The following GPC6 variants were observed in gnomAD, a reference collection of about 807,000 sequenced individuals.
The protein encoded by GPC6 is glypican-6.
GPC6 carries 14 observed loss-of-function variants against 55.2 expected under a neutral mutation model. That is an observed-to-expected ratio of 0.25 (90% CI 0.17 to 0.40). The LOEUF (loss-of-function observed/expected upper bound fraction) is 0.40, where lower values mean the gene tolerates loss of function less well. Among genes scored for constraint, GPC6 ranks in the 10% least tolerant of loss-of-function variants. The probability of loss-of-function intolerance (pLI) is 1.00; values close to 1 mark genes in which losing one functional copy is unlikely to be tolerated. For synonymous variants in GPC6, 278 were observed against 259.6 expected (o/e 1.07, Z -0.68); for missense variants, 641 against 708.5 (o/e 0.90, Z 1.08).
rs180730672 is a variant in GPC6 at position 93,509,219 on chromosome 13, A to G, written c.161-36044A>G. Among the ~76,000 whole-genome samples, 14 of 152,346 alleles carry G rather than the reference A, an allele frequency of 9.2e-5. No homozygotes were observed. The East Asian group carries it at 2.7e-3, about 29-fold the overall frequency. On this transcript the variant is annotated intron_variant, in intron 1 of 8. Transcript: ENST00000377047. ...GTTCATTGAAATTGTGCACCTTCCA[A>G]TGTAAAGATTTATTGATGGCCATTT...
intron 2 of GPC6, among the ~76,000 whole-genome samples, chr13:93,657,668 T>G (rs1880736119): frequency 6.6e-6 from 1 of 152,014 alleles, no homozygotes; most frequent in South Asian, 2.1e-4. Flanking sequence ...ACAGACATCC[T>G]ACAGAATAGA....
intron 4 of GPC6, among the ~76,000 whole-genome samples, chr13:94,140,716 A>C (rs1407608515): frequency 6.6e-6 from 1 of 152,068 alleles, no homozygotes; most frequent in Non-Finnish European, 1.5e-5. Flanking sequence ...GGTCATTGTA[A>C]ACCTCCAGAG....
At chr13:93,971,838 C>T (rs1434299413) in intron 3 of GPC6, among the ~76,000 whole-genome samples, 1 of 152,166 alleles carries the variant, frequency 6.6e-6, no homozygotes, top group East Asian at 1.9e-4. Flanking sequence ...TCCCTCCAAC[C>T]CCAAGGAATG....
chr13:94,092,880 A>T (rs2138814370), intron 4 of GPC6, among the ~76,000 whole-genome samples: 1 of 152,170 alleles, frequency 6.6e-6, no homozygotes, highest in East Asian at 1.9e-4. Context: ...ATGATTAGTG[A>T]TGTTGAACAT....
Position 93,762,447 on chromosome 13 carries a change from G to A in GPC6, c.320-67707G>A, listed in dbSNP as rs375307605. 4.6e-5 allele frequency among the ~76,000 whole-genome samples: 7 copies of A among 152,198 alleles called. No individual in the cohort carries two copies. The South Asian group carries it at 1.5e-3, about 32-fold the overall frequency. ...TGAATCAATAAATGCTTCTTGACCT[G>A]TGGTCAGTGTAAAAGCAAGGTTCTA... is the stretch of plus-strand genomic sequence containing the variant. On this transcript the variant is annotated intron_variant, in intron 2 of 8. Coordinates refer to ENST00000377047, the MANE Select transcript of GPC6 (RefSeq NM_005708.5).
At position 94,327,817 on chromosome 13, in the gene GPC6, C is replaced by A. The variant is rs189819870; in HGVS notation, c.1152+21694C>A. Among the ~76,000 whole-genome samples, 4 of 152,278 alleles carry A rather than the reference C, an allele frequency of 2.6e-5. No individual in the cohort carries two copies. In the East Asian group the frequency reaches 7.7e-4, roughly 29 times the overall value. On this transcript the variant is annotated intron_variant, in intron 6 of 8. Transcript: ENST00000377047. The stretch of plus-strand genomic sequence containing the variant: ...TGGAATCTAAGTGCAAAGAGTTTCA[C>A]CTAGTTTTCTCTTTCCTTAAACAGC...
intron 4 of GPC6, among the ~76,000 whole-genome samples, chr13:94,251,595 G>A (rs1029877157): frequency 2.0e-5 from 3 of 151,896 alleles, no homozygotes; most frequent in Non-Finnish European, 1.5e-5. Flanking sequence ...TCAGTCTCAG[G>A]ACAAAGATTA....
At chr13:94,210,420 G>T (rs1890043692) in intron 4 of GPC6, among the ~76,000 whole-genome samples, 1 of 152,090 alleles carries the variant, frequency 6.6e-6, no homozygotes, top group Non-Finnish European at 1.5e-5. Flanking sequence ...GCCTCCGAAA[G>T]TGCTGGGATT....
rs528772472 is a variant in GPC6 at position 94,040,834 on chromosome 13, T to C, written c.877+12940T>C. Among the ~76,000 whole-genome samples, 26 of 152,020 alleles carry C rather than the reference T, an allele frequency of 1.7e-4. 1 individual carries two copies. Among genetic ancestry groups the C allele is most frequent in the African/African-American group, 6.3e-4 (26 of 41,542 alleles). ...AGTGGCCATGCAATATTAAAAAAATTTAACAATGAATTGTGTTGAATGGTT... is the reference window on the plus strand; with the variant it reads ...AGTGGCCATGCAATATTAAAAAAATCTAACAATGAATTGTGTTGAATGGTT... On this transcript the variant is annotated intron_variant, in intron 4 of 8. Coordinates refer to ENST00000377047, the MANE Select transcript of GPC6 (RefSeq NM_005708.5).
chr13:93,797,142 C>A (rs1886222491), intron 2 of GPC6, among the ~76,000 whole-genome samples: 2 of 85,064 alleles, frequency 2.4e-5, no homozygotes, highest in South Asian at 6.2e-4. Flanking sequence ...TTATAGTTCC[C>A]TTTGTCATTT....
At chr13:93,575,576 T>C (rs1876619666) in intron 2 of GPC6, among the ~76,000 whole-genome samples, 1 of 152,194 alleles carries the variant, frequency 6.6e-6, no homozygotes, top group South Asian at 2.1e-4. Context: ...ACTGTATTAA[T>C]TGAAAGCCAA....
chr13:93,702,336 T>C (rs1293403523), intron 2 of GPC6, among the ~76,000 whole-genome samples: 2 of 152,042 alleles, frequency 1.3e-5, no homozygotes, highest in Non-Finnish European at 2.9e-5. Context: ...GCTTAAAATA[T>C]TCAGTTAACC....
chr13:94,126,279 A>C (rs1886809279), intron 4 of GPC6, among the ~76,000 whole-genome samples: 1 of 152,148 alleles, frequency 6.6e-6, no homozygotes, highest in South Asian at 2.1e-4. Context: ...ACTATTCAGG[A>C]GGCTGAGGTG....
intron 4 of GPC6, among the ~76,000 whole-genome samples, chr13:94,141,515 C>T (rs1457031508): frequency 2.6e-5 from 4 of 152,094 alleles, no homozygotes; most frequent in African/African-American, 9.7e-5. Context: ...TGCCTAAACT[C>T]CAAGAAGGAG....
intron 3 of GPC6, among the ~76,000 whole-genome samples, chr13:93,983,784 T>TAAAA (rs35261105): frequency 1.4e-5 from 2 of 144,796 alleles, no homozygotes; most frequent in African/African-American, 5.1e-5. Context: ...ATATTTTTGT[T>TAAAA]AAAAAAAAAA....
At chr13:94,323,079 G>A (rs898715040) in intron 6 of GPC6, among the ~76,000 whole-genome samples, 1 of 152,132 alleles carries the variant, frequency 6.6e-6, no homozygotes, top group Admixed American at 6.5e-5. Context: ...TCCAAATGAG[G>A]ATGACGGGAT....
At chr13:94,330,938 C>A (rs557017956) in intron 6 of GPC6, among the ~76,000 whole-genome samples, 1 of 152,152 alleles carries the variant, frequency 6.6e-6, no homozygotes, top group East Asian at 1.9e-4. Flanking sequence ...CCATATAAGA[C>A]TGTTCTACGA....
chr13:94,214,652 C>T (rs978509432), intron 4 of GPC6, among the ~76,000 whole-genome samples: 4 of 151,994 alleles, frequency 2.6e-5, no homozygotes, highest in South Asian at 4.1e-4. Context: ...AATTTTTTTT[C>T]AGATTTAACC....
chr13:93,823,003 A>G (rs1566552850), intron 2 of GPC6, among the ~76,000 whole-genome samples: 1 of 151,500 alleles, frequency 6.6e-6, no homozygotes, highest in African/African-American at 2.4e-5. Context: ...AGCCAGGACT[A>G]TGGGTGCCTG....
Sources: allele counts gnomAD v4.1 joint callset (sites outside exome capture counted in the v4.1 genomes callset), GRCh38; gene constraint gnomAD v4.1.1; transcripts MANE v1.5; gene names NCBI Gene and HGNC (gene_info 2026-07-23, HGNC 2026-07-21).